Variants in UBE4B observed in about 807,000 individuals in gnomAD.
The protein encoded by UBE4B is ubiquitination factor E4B.
Under a neutral mutation model 148.1 loss-of-function variants are expected in UBE4B, and 27 were observed. The ratio of observed to expected loss-of-function variants is 0.18; its 90% confidence interval spans 0.13 to 0.25. UBE4B has a LOEUF of 0.25. Among genes scored for constraint, UBE4B ranks in the 10% least tolerant of loss-of-function variants. UBE4B has a pLI of 1.00. For missense variants in UBE4B, 1,170 were observed against 1,662.4 expected, an observed-to-expected ratio of 0.70 and a Z score of 5.15; for synonymous variants, 596 against 619.3, an observed-to-expected ratio of 0.96 and a Z score of 0.56.
intron 1 of UBE4B, among the ~76,000 whole-genome samples, chr1:10,053,819 A>G (rs564704223): frequency 7.9e-5 from 12 of 152,058 alleles, no homozygotes; most frequent in African/African-American, 2.7e-4. Flanking sequence ...CCTTCTAAGT[A>G]TCTGTGACCA....
chr1:10,148,030 A>G (rs1032102158), intron 19 of UBE4B, among the ~76,000 whole-genome samples: 4 of 152,128 alleles, frequency 2.6e-5, no homozygotes, highest in Non-Finnish European at 5.9e-5. Context: ...GATCGAGACC[A>G]TCTTTGCTAA....
chr1:10,074,632 AC>A (rs1644547858), intron 2 of UBE4B, among the ~76,000 whole-genome samples: 1 of 152,040 alleles, frequency 6.6e-6, no homozygotes, highest in South Asian at 2.1e-4. Flanking sequence ...CATGGCTTTC[AC>A]CCACTTCTCC....
intron 1 of UBE4B, among the ~76,000 whole-genome samples, chr1:10,056,884 T>TG (rs1468897598): frequency 6.6e-6 from 1 of 152,296 alleles, no homozygotes; most frequent in East Asian, 1.9e-4. Context: ...TGGAGTGCAG[T>TG]GGCACATTCA....
intron 2 of UBE4B, 62 bp from the exon 3 acceptor site, chr1:10,095,399 A>C: frequency 6.3e-7 from 1 of 1,598,088 alleles, no homozygotes; most frequent in African/African-American, 1.3e-5. Flanking sequence ...TACTGTCGCT[A>C]TTACAAATAA....
At chr1:10,069,833 T>C (rs548304617) in intron 1 of UBE4B, among the ~76,000 whole-genome samples, 2 of 152,306 alleles carry the variant, frequency 1.3e-5, no homozygotes, top group Admixed American at 6.5e-5. Context: ...AGATGTGCAG[T>C]GTACGGATGT....
At chr1:10,163,871 C>T (rs1646206710) in intron 23 of UBE4B, among the ~76,000 whole-genome samples, 1 of 151,090 alleles carries the variant, frequency 6.6e-6, no homozygotes, top group African/African-American at 2.4e-5. Flanking sequence ...GGATTACAGG[C>T]GTGCACCACC....
intron 12 of UBE4B, 42 bp downstream of exon 12, chr1:10,129,490 T>C: frequency 6.3e-7 from 1 of 1,584,700 alleles, no homozygotes; most frequent in Non-Finnish European, 8.7e-7. Context: ...TCAGTGAATA[T>C]ATCATAACCC....
At chr1:10,066,251 GCACTACA>G (rs1044058345) in intron 1 of UBE4B, among the ~76,000 whole-genome samples, 17 of 151,750 alleles carry the variant, frequency 1.1e-4, no homozygotes, top group African/African-American at 4.1e-4. Flanking sequence ...CTAGTAGCTG[GCACTACA>G]CATCGTGTGT....
At chr1:10,037,800 C>T (rs1274122872) in intron 1 of UBE4B, among the ~76,000 whole-genome samples, 1 of 152,022 alleles carries the variant, frequency 6.6e-6, no homozygotes, top group East Asian at 1.9e-4. Context: ...AAGTGATCCA[C>T]CCGCCTTGGC....
Position 10,051,874 on chromosome 1 carries a change from ACTC to A in UBE4B, c.24+18181_24+18183del, listed in dbSNP as rs575677169. 2.1e-3 allele frequency among the ~76,000 whole-genome samples: 327 copies of A among 152,240 alleles called. 1 individual carries two copies. The highest frequency in any genetic ancestry group is 3.4e-3 in the Middle Eastern group (1 of 294). On this transcript the variant is annotated intron_variant, in intron 1 of 27. Transcript: ENST00000343090. The stretch of plus-strand genomic sequence containing the variant: ...TGAATTGGATGTCATTGTATTAACT[ACTC>A]AACAGCTGCTAAATCTTTGGCATCT...
intron 1 of UBE4B, among the ~76,000 whole-genome samples, chr1:10,037,202 T>G (rs1253436045): frequency 1.3e-5 from 2 of 152,164 alleles, no homozygotes; most frequent in African/African-American, 4.8e-5. Flanking sequence ...TAATTTTGTA[T>G]TTTTAGTAGC....
At chr1:10,046,496 G>A (rs971764008) in intron 1 of UBE4B, among the ~76,000 whole-genome samples, 1 of 152,122 alleles carries the variant, frequency 6.6e-6, no homozygotes, top group Non-Finnish European at 1.5e-5. Context: ...AGAATGGGGA[G>A]TAATACTCTG....
chr1:10,180,054 C>T lies in UBE4B; in HGVS notation c.*98C>T. The T allele has an allele frequency of 6.5e-7, 1 of 1,526,858 alleles. No homozygotes were observed. Among genetic ancestry groups the T allele is most frequent in the Non-Finnish European group, 9.0e-7 (1 of 1,113,866 alleles). 94.6% of individuals were successfully genotyped at this position (1,526,858 alleles called of 1,614,324 possible). ...AAGCTGCCGTTCATGTGTTGGAGGC[C>T]AAATGTGGCAAACCAACCCCAGGCC... On this transcript the variant is annotated 3_prime_UTR_variant, in exon 28 of 28. Coordinates refer to ENST00000343090, the MANE Select transcript of UBE4B (RefSeq NM_001105562.3).
chr1:10,065,341 G>A (rs1644367383), intron 1 of UBE4B, among the ~76,000 whole-genome samples: 2 of 152,124 alleles, frequency 1.3e-5, no homozygotes, highest in African/African-American at 4.8e-5. Context: ...GCAAGTGGCG[G>A]GAGGAGCATG....
At chr1:10,074,459 CA>C (rs1305589762) in intron 2 of UBE4B, among the ~76,000 whole-genome samples, 1 of 151,982 alleles carries the variant, frequency 6.6e-6, no homozygotes, top group Admixed American at 6.6e-5. Context: ...ATCTCTGCAC[CA>C]AAACCTTTGC....
intron 1 of UBE4B, among the ~76,000 whole-genome samples, chr1:10,052,569 T>C (rs924240410): frequency 1.3e-5 from 2 of 152,240 alleles, no homozygotes; most frequent in Admixed American, 1.3e-4. Context: ...CAGGGCCAGC[T>C]TCACAGGCAT....
intron 2 of UBE4B, among the ~76,000 whole-genome samples, chr1:10,081,063 A>ATATTAT (rs969826504): frequency 6.6e-6 from 1 of 152,056 alleles, no homozygotes; most frequent in Non-Finnish European, 1.5e-5. Flanking sequence ...AAAAACAACA[A>ATATTAT]TATTATTATT....
At chr1:10,069,214 A>G (rs913796891) in intron 1 of UBE4B, among the ~76,000 whole-genome samples, 7 of 152,218 alleles carry the variant, frequency 4.6e-5, no homozygotes, top group African/African-American at 1.7e-4. Context: ...TTTTCCAACA[A>G]TAGTGGGTAT....
chr1:10,071,933 T>A, intron 1 of UBE4B, 95 bp from the exon 2 acceptor site: 1 of 1,304,052 alleles, frequency 7.7e-7, no homozygotes, highest in Non-Finnish European at 1.0e-6. Flanking sequence ...TATTGAGTTG[T>A]TAAACTCTGG....
Sources: allele counts gnomAD v4.1 joint callset (sites outside exome capture counted in the v4.1 genomes callset), GRCh38; gene constraint gnomAD v4.1.1; transcripts MANE v1.5; gene names NCBI Gene and HGNC (gene_info 2026-07-23, HGNC 2026-07-21).